GNB4: variants seen among roughly 807,000 people sequenced by gnomAD.
GNB4 encodes guanine nucleotide-binding protein subunit beta-4.
A neutral mutation model predicts 45.2 loss-of-function variants in GNB4; 28 were observed. The ratio of observed to expected loss-of-function variants is 0.62; its 90% CI spans 0.46 to 0.85. The LOEUF is 0.85. Ranked by LOEUF, GNB4 falls within the 40% of genes least tolerant of loss-of-function variation. GNB4 has a pLI of 0.00. For synonymous variants in GNB4, 132 were observed against 143.7 expected, an observed-to-expected ratio of 0.92 and a Z score of 0.58; for missense variants, 321 against 425.4, an observed-to-expected ratio of 0.75 and a Z score of 2.16.
intron 1 of GNB4, among the ~76,000 whole-genome samples, chr3:179,427,888 GT>G (rs924020417): frequency 2.6e-5 from 4 of 151,892 alleles, no homozygotes; most frequent in Non-Finnish European, 4.4e-5. Context: ...ATCTTCCTTG[GT>G]TTTTTTCTTT....
chr3:179,498,433 G>A, the GNB4 span, among the ~76,000 whole-genome samples: 2 of 152,048 alleles, frequency 1.3e-5, no homozygotes, highest in African/African-American at 4.8e-5. Flanking sequence ...GTTGAGTTTT[G>A]TTTTTTTGTT....
the GNB4 span, among the ~76,000 whole-genome samples, chr3:179,508,928 A>ATG: frequency 2.9e-5 from 3 of 102,284 alleles, no homozygotes; most frequent in Non-Finnish European, 5.7e-5. Context: ...CTCTTTCAGC[A>ATG]TGTGTATATA....
intron 4 of GNB4, among the ~76,000 whole-genome samples, chr3:179,417,793 C>A (rs1714846584): frequency 6.6e-6 from 1 of 152,172 alleles, no homozygotes; most frequent in Admixed American, 6.5e-5. Context: ...ATCAGCCACC[C>A]AGTTCCTTTC....
chr3:179,525,297 C>A, the GNB4 span, among the ~76,000 whole-genome samples: 2 of 151,988 alleles, frequency 1.3e-5, no homozygotes, highest in African/African-American at 2.4e-5. Context: ...GGGGCCCAAG[C>A]GGTGTTGCAG....
At chr3:179,519,071 C>A in the GNB4 span, among the ~76,000 whole-genome samples, 1 of 152,226 alleles carries the variant, frequency 6.6e-6, no homozygotes, top group Non-Finnish European at 1.5e-5. Context: ...CACACAAGAA[C>A]TTCCAAACAC....
chr3:179,523,250 G>C, the GNB4 span, among the ~76,000 whole-genome samples: 1 of 152,128 alleles, frequency 6.6e-6, no homozygotes, highest in Non-Finnish European at 1.5e-5. Context: ...GAAGAAATTT[G>C]GGCTTGATTG....
chr3:179,480,915 G>T, the GNB4 span, among the ~76,000 whole-genome samples: 13 of 147,620 alleles, frequency 8.8e-5, no homozygotes, highest in African/African-American at 3.0e-4. Flanking sequence ...GCAGTGGCGC[G>T]ATCTCGGCTC....
At chr3:179,408,974 T>C (rs1411946020) in intron 8 of GNB4, among the ~76,000 whole-genome samples, 1 of 147,214 alleles carries the variant, frequency 6.8e-6, no homozygotes. Context: ...GGCAAGACCC[T>C]ATCTCTGCAA....
At chr3:179,492,492 G>A in the GNB4 span, among the ~76,000 whole-genome samples, 1 of 152,012 alleles carries the variant, frequency 6.6e-6, no homozygotes, top group African/African-American at 2.4e-5. Flanking sequence ...GAGCAGCCCT[G>A]GTACCTCCTT....
chr3:179,405,122 A>G lies in GNB4; in HGVS notation c.916+68T>C, dbSNP rs1714424380. ...CTCCAAGATGTCCATGGAGGCCTAG[A>G]ACACAACTGATGGGAACCTCTTCAC... On this transcript the variant is annotated intron_variant, in intron 9 of 9. Transcript: ENST00000232564. The G allele has an allele frequency of 2.3e-5, 28 of 1,204,142 alleles. No individual in the cohort carries two copies. The East Asian group carries it at 6.4e-4, about 28-fold the overall frequency. The allele number at this position is 1,204,142 out of a possible 1,614,324, so 74.6% of individuals were successfully genotyped here.
the GNB4 span, among the ~76,000 whole-genome samples, chr3:179,515,493 C>T: frequency 1.3e-5 from 2 of 151,038 alleles, no homozygotes; most frequent in Non-Finnish European, 2.9e-5. Flanking sequence ...CTCTGGTGGG[C>T]AGGGGCGGGG....
At chr3:179,417,388 T>G (rs13081984) in intron 4 of GNB4, among the ~76,000 whole-genome samples, 29,330 of 151,416 alleles carry the variant, frequency 0.19, 3,294 homozygotes, top group Admixed American at 0.25. Context: ...TTTTAGCCAC[T>G]AAATTTTTTG....
chr3:179,522,150 A>G, the GNB4 span, among the ~76,000 whole-genome samples: 1 of 150,992 alleles, frequency 6.6e-6, no homozygotes, highest in Non-Finnish European at 1.5e-5. Flanking sequence ...CCAGATAGCC[A>G]GTTCCTGCCT....
intron 4 of GNB4, 120 bp downstream of exon 4, chr3:179,419,279 A>G (rs1186290164): frequency 1.4e-6 from 1 of 716,506 alleles, no homozygotes; most frequent in African/African-American, 1.8e-5. Flanking sequence ...TCTGAGATGC[A>G]TTTTCTGCAA....
rs772799303 is a variant in GNB4, at chr3:179,416,556, C to T, written c.204G>A (p.Arg68=). The change falls in exon 5 of 10, where the codon AGG becomes AGA. Residue 68 remains arginine, a splice_region_variant and synonymous_variant. Coordinates refer to ENST00000232564, the MANE Select transcript of GNB4 (RefSeq NM_021629.4). Reference sequence around the variant, plus strand: ...CATCTTGAGAAGCACTGACTAGCAGCCTAGAGGAACAAACACAAAAATAAT... The same window carrying T: ...CATCTTGAGAAGCACTGACTAGCAGTCTAGAGGAACAAACACAAAAATAAT... ...IYAMHWGYDS[R]LLVSASQDGK... is the part of the protein sequence containing the mutation. 3.8e-6 allele frequency: 6 copies of T among 1,585,616 alleles called. No individual in the cohort carries two copies. In the East Asian group the frequency reaches 1.1e-4, roughly 30 times the overall value.
At chr3:179,465,992 C>A in the GNB4 span, among the ~76,000 whole-genome samples, 1 of 147,754 alleles carries the variant, frequency 6.8e-6, no homozygotes, top group Non-Finnish European at 1.5e-5. Context: ...GAGAAACCAG[C>A]CTCATCCTCT....
chr3:179,424,773 G>A (rs777912204), intron 2 of GNB4, among the ~76,000 whole-genome samples: 8 of 151,746 alleles, frequency 5.3e-5, no homozygotes, highest in Non-Finnish European at 1.2e-4. Context: ...CCCGGCTAAC[G>A]TTTTTTTGTT....
intron 1 of GNB4, among the ~76,000 whole-genome samples, chr3:179,437,519 T>C (rs966507677): frequency 1.5e-4 from 23 of 151,852 alleles, no homozygotes; most frequent in African/African-American, 5.1e-4. Context: ...GAGCGGAAGA[T>C]TGCACAACTG....
the GNB4 span, among the ~76,000 whole-genome samples, chr3:179,493,525 CAA>C: frequency 9.6e-4 from 113 of 117,518 alleles, no homozygotes; most frequent in South Asian, 2.4e-3. Context: ...TATCCAGTCT[CAA>C]AAAAAAAAAA....
Sources: allele counts gnomAD v4.1 joint callset (sites outside exome capture counted in the v4.1 genomes callset), GRCh38; gene constraint gnomAD v4.1.1; transcripts MANE v1.5; gene names NCBI Gene and HGNC (gene_info 2026-07-23, HGNC 2026-07-21).